RPH3A: variants seen among roughly 807,000 people sequenced by gnomAD.
RPH3A encodes rabphilin 3A.
In RPH3A, 48 loss-of-function variants were observed where a neutral mutation model predicts 102.2. The ratio of observed to expected loss-of-function variants is 0.47; its 90% CI spans 0.37 to 0.60. The LOEUF is 0.60. Among genes scored for constraint, RPH3A ranks in the 20% least tolerant of loss-of-function variants. The pLI is 0.00. For synonymous variants in RPH3A, 310 were observed against 324.3 expected (o/e 0.96, Z 0.47); for missense variants, 781 against 910.1 (o/e 0.86, Z 1.83).
At chr12:112,710,881 T>G (rs993590180) in intron 1 of RPH3A, among the ~76,000 whole-genome samples, 15 of 152,306 alleles carry the variant, frequency 9.8e-5, no homozygotes, top group African/African-American at 3.4e-4. Flanking sequence ...CATGAGTCTC[T>G]TATGTAACAC....
chr12:112,637,380 C>T (rs944226101), intron 1 of RPH3A, among the ~76,000 whole-genome samples: 1 of 152,074 alleles, frequency 6.6e-6, no homozygotes, highest in African/African-American at 2.4e-5. Context: ...GAACTCATGA[C>T]CATTGTTTTT....
intron 1 of RPH3A, among the ~76,000 whole-genome samples, chr12:112,729,188 G>T (rs1315522670): frequency 6.6e-6 from 1 of 151,776 alleles, no homozygotes; most frequent in Non-Finnish European, 1.5e-5. Context: ...ACCCAGGCTG[G>T]AGTGTGGTGA....
intron 1 of RPH3A, among the ~76,000 whole-genome samples, chr12:112,696,719 G>T (rs2384048): frequency 1.3e-5 from 2 of 152,170 alleles, no homozygotes; most frequent in African/African-American, 4.8e-5. Context: ...GATAACTCAG[G>T]TTATTTTTCA....
intron 16 of RPH3A, among the ~76,000 whole-genome samples, chr12:112,886,890 G>T (rs1042357148): frequency 6.6e-6 from 1 of 152,160 alleles, no homozygotes; most frequent in Non-Finnish European, 1.5e-5. Flanking sequence ...TGCTCAAATG[G>T]CCATAAAGTA....
chr12:112,856,643 A>G (rs1011453249), intron 5 of RPH3A, among the ~76,000 whole-genome samples: 24 of 152,064 alleles, frequency 1.6e-4, no homozygotes, highest in African/African-American at 4.3e-4. Flanking sequence ...TTTCTCATCA[A>G]TGTGGCCCCT....
intron 1 of RPH3A, among the ~76,000 whole-genome samples, chr12:112,577,900 A>G (rs527583998): frequency 2.0e-5 from 3 of 152,178 alleles, no homozygotes; most frequent in African/African-American, 7.2e-5. Flanking sequence ...GTATTCCCAC[A>G]TGTCACACAT....
At position 112,866,794 on chromosome 12, in the gene RPH3A, G is replaced by T; in HGVS notation, c.398G>T (p.Arg133Leu). 1 of 1,611,730 alleles carries T rather than the reference G, an allele frequency of 6.2e-7. No homozygotes were observed. The highest frequency in any genetic ancestry group is 8.5e-7 in the Non-Finnish European group (1 of 1,178,834). Residue 133 changes from arginine (R) to leucine (L), a missense_variant, in exon 7 of 22, where the codon CGC (arginine) becomes CTC (leucine). This residue lies in a region of RPH3A where 730 missense variants were observed against 810.0 expected (regional missense o/e 0.90). Coordinates refer to ENST00000389385, the MANE Select transcript of RPH3A (RefSeq NM_001143854.2). ...CTKCGVETNN[R>L]LHSVWLCKIC... Reference sequence around the variant, plus strand: ...AAGTGCGGAGTGGAGACCAACAACCGCCTGCATTCTGTGTGGCTCTGCAAA... The same window carrying T: ...AAGTGCGGAGTGGAGACCAACAACCTCCTGCATTCTGTGTGGCTCTGCAAA...
chr12:112,894,623 A>G lies in RPH3A; in HGVS notation c.1821A>G (p.Gln607=). The G allele has an allele frequency of 6.2e-7, 1 of 1,613,982 alleles. No homozygotes were observed. Among genetic ancestry groups the G allele is most frequent in the African/African-American group, 1.3e-5 (1 of 75,022 alleles). The change falls in exon 20 of 22, where the codon CAA becomes CAG. Residue 607 remains glutamine (Q), a synonymous_variant. Coordinates refer to ENST00000389385, the MANE Select transcript of RPH3A (RefSeq NM_001143854.2). The part of the protein sequence containing the change: ...DMGKKAKHKT[Q]IKKKTLNPEF... Reference sequence around the variant, plus strand: ...GAAAGAAGGCCAAACACAAGACTCAAATTAAAAAGAAAACCTTGAATCCCG... The same window carrying G: ...GAAAGAAGGCCAAACACAAGACTCAGATTAAAAAGAAAACCTTGAATCCCG...
chr12:112,701,992 CAGA>C (rs559002902), intron 1 of RPH3A, among the ~76,000 whole-genome samples: 2 of 152,186 alleles, frequency 1.3e-5, no homozygotes, highest in Non-Finnish European at 2.9e-5. Flanking sequence ...AAGAGCAGAG[CAGA>C]AGGAGTTAGG....
chr12:112,682,870 A>T (rs1039200925), intron 1 of RPH3A, among the ~76,000 whole-genome samples: 2 of 152,156 alleles, frequency 1.3e-5, no homozygotes, highest in Non-Finnish European at 2.9e-5. Context: ...AAGCTGTATC[A>T]CCTGCTTGAA....
At chr12:112,740,645 A>T (rs2040702194) in intron 1 of RPH3A, among the ~76,000 whole-genome samples, 1 of 152,220 alleles carries the variant, frequency 6.6e-6, no homozygotes. Context: ...TCTGTCTTTC[A>T]TAGAAGCTTC....
At chr12:112,719,234 C>T (rs1053857138) in intron 1 of RPH3A, among the ~76,000 whole-genome samples, 3 of 152,076 alleles carry the variant, frequency 2.0e-5, no homozygotes, top group Admixed American at 2.0e-4. Flanking sequence ...AGGATTATCT[C>T]CTAAATATAT....
chr12:112,718,268 G>T (rs1405456713), intron 1 of RPH3A, among the ~76,000 whole-genome samples: 3 of 152,106 alleles, frequency 2.0e-5, no homozygotes, highest in Admixed American at 1.3e-4. Flanking sequence ...TTATGACTCA[G>T]GTTGCATTAA....
intron 1 of RPH3A, among the ~76,000 whole-genome samples, chr12:112,607,903 T>G (rs960305285): frequency 1.3e-5 from 2 of 152,310 alleles, no homozygotes; most frequent in South Asian, 4.1e-4. Context: ...TTGAAGTCAC[T>G]TTCCCGCTCT....
intron 1 of RPH3A, among the ~76,000 whole-genome samples, chr12:112,656,058 T>C (rs376724313): frequency 1.3e-5 from 2 of 152,254 alleles, no homozygotes; most frequent in East Asian, 3.9e-4. Context: ...ACTGGTAACA[T>C]TAGCTGTCGA....
chr12:112,877,417 T>TACACACACACAC (rs1491528958), intron 13 of RPH3A, among the ~76,000 whole-genome samples: 5 of 99,272 alleles, frequency 5.0e-5, no homozygotes, highest in African/African-American at 2.3e-4. Context: ...CACACACACG[T>TACACACACACAC]ATACACACAC....
intron 1 of RPH3A, among the ~76,000 whole-genome samples, chr12:112,782,741 G>C (rs1419895116): frequency 6.6e-6 from 1 of 152,144 alleles, no homozygotes; most frequent in Non-Finnish European, 1.5e-5. Context: ...GATATACCAA[G>C]ACTATTCTGG....
At chr12:112,881,711 G>T in intron 14 of RPH3A, 61 bp from the exon 15 acceptor site, 1 of 1,254,720 alleles carries the variant, frequency 8.0e-7, no homozygotes, top group South Asian at 1.3e-5. Flanking sequence ...GCCCATTGCC[G>T]ATGACAGCTG....
intron 2 of RPH3A, among the ~76,000 whole-genome samples, chr12:112,803,213 C>T (rs1375477404): frequency 1.3e-5 from 2 of 152,126 alleles, no homozygotes; most frequent in Non-Finnish European, 2.9e-5. Context: ...TCCTCACCTG[C>T]TTCCAGTGTT....
Sources: gnomAD v4.1 joint callset for allele counts (sites outside exome capture counted in the v4.1 genomes callset) on GRCh38, gnomAD v4.1.1 for gene constraint, gnomAD v4.1.1 regional missense constraint, MANE v1.5 for transcripts, NCBI Gene and HGNC (gene_info 2026-07-23, HGNC 2026-07-21) for gene names.